Variants in PTPRD observed in about 807,000 individuals in gnomAD.
PTPRD encodes protein tyrosine phosphatase receptor type D.
In PTPRD, 34 loss-of-function variants were observed where a neutral mutation model predicts 214.5. The ratio of observed to expected loss-of-function variants is 0.16; its 90% confidence interval spans 0.12 to 0.21. The LOEUF is 0.21. PTPRD is among the 10% of genes least tolerant of loss of function. PTPRD has a pLI of 1.00. For synonymous variants in PTPRD, 1,128 were observed against 845.7 expected, an observed-to-expected ratio of 1.33 and a Z score of -5.79; for missense variants, 2,545 against 2,398.7, an observed-to-expected ratio of 1.06 and a Z score of -1.27.
At chr9:10,261,720 G>A (rs2154376171) in intron 3 of PTPRD, among the ~76,000 whole-genome samples, 1 of 152,228 alleles carries the variant, frequency 6.6e-6, no homozygotes, top group East Asian at 1.9e-4. Context: ...TGGTTTAACA[G>A]AGTAAGAAAC....
chr9:8,540,366 TGAC>T (rs2078093075), intron 14 of PTPRD, among the ~76,000 whole-genome samples: 1 of 152,042 alleles, frequency 6.6e-6, no homozygotes, highest in Admixed American at 6.6e-5. Flanking sequence ...ACACAAATGA[TGAC>T]AATATCTGAA....
chr9:8,943,678 G>A (rs893358115), intron 11 of PTPRD, among the ~76,000 whole-genome samples: 7 of 150,166 alleles, frequency 4.7e-5, no homozygotes, highest in Non-Finnish European at 7.4e-5. Context: ...CAGAATAAAT[G>A]GTTCTGGGAA....
At chr9:9,384,757 C>G (rs1437744762) in intron 9 of PTPRD, among the ~76,000 whole-genome samples, 1 of 151,856 alleles carries the variant, frequency 6.6e-6, no homozygotes, top group South Asian at 2.1e-4. Flanking sequence ...GATGAATTTT[C>G]TCATTGCTGC....
At chr9:9,855,361 A>T (rs539096083) in intron 5 of PTPRD, among the ~76,000 whole-genome samples, 2 of 152,176 alleles carry the variant, frequency 1.3e-5, no homozygotes, top group Non-Finnish European at 2.9e-5. Context: ...TGAGTAAAAC[A>T]AAGGGGAGGA....
intron 2 of PTPRD, among the ~76,000 whole-genome samples, chr9:10,458,096 T>G (rs949184761): frequency 6.6e-6 from 1 of 152,032 alleles, no homozygotes; most frequent in Non-Finnish European, 1.5e-5. Context: ...CAGGACCCAA[T>G]GGCTTTATAG....
At chr9:10,311,717 A>G (rs2096271303) in intron 3 of PTPRD, among the ~76,000 whole-genome samples, 1 of 152,050 alleles carries the variant, frequency 6.6e-6, no homozygotes, top group Admixed American at 6.6e-5. Context: ...GCATTGTATT[A>G]TTCCTTGTAT....
intron 11 of PTPRD, among the ~76,000 whole-genome samples, chr9:9,016,835 T>C (rs1000773976): frequency 9.2e-5 from 14 of 152,126 alleles, no homozygotes; most frequent in African/African-American, 3.4e-4. Flanking sequence ...CTTGCTCAAA[T>C]ACCGTAGCAA....
In PTPRD at chr9:8,674,902, T is replaced by C. The variant is rs34282864; in HGVS notation, c.65-38058A>G. Among the ~76,000 whole-genome samples the C allele has an allele frequency of 7.4e-3, 1,126 of 152,322 alleles. 8 individuals carry two copies. Among genetic ancestry groups the C allele is most frequent in the Middle Eastern group, 0.024 (7 of 294 alleles). On this transcript the variant is annotated intron_variant, in intron 12 of 45. Transcript: ENST00000381196. ...TTCACTAAACTAGCCAAGGTCCTCC[T>C]ACTTCTGAGCATTACTGTAAATCTA... is the stretch of plus-strand genomic sequence containing the variant.
At chr9:9,532,146 G>T (rs1396834164) in intron 8 of PTPRD, among the ~76,000 whole-genome samples, 2 of 152,060 alleles carry the variant, frequency 1.3e-5, no homozygotes, top group African/African-American at 2.4e-5. Flanking sequence ...CCATATGCAG[G>T]AGAGCTAGGA....
At chr9:9,032,994 A>AT (rs2099610471) in intron 10 of PTPRD, among the ~76,000 whole-genome samples, 1 of 152,042 alleles carries the variant, frequency 6.6e-6, no homozygotes, top group Non-Finnish European at 1.5e-5. Context: ...TGTGGGCTAC[A>AT]TTATCTTTCA....
chr9:8,467,697 TTATACA>T (rs1295630115), intron 31 of PTPRD, among the ~76,000 whole-genome samples: 1 of 151,984 alleles, frequency 6.6e-6, no homozygotes, highest in African/African-American at 2.4e-5. Context: ...CTCTGTGTAT[TTATACA>T]TATAATTTTT....
chr9:10,012,347 G>A (rs2096618801), intron 4 of PTPRD, among the ~76,000 whole-genome samples: 1 of 151,728 alleles, frequency 6.6e-6, no homozygotes, highest in Non-Finnish European at 1.5e-5. Context: ...AGCTAAAAAA[G>A]TGGAAAAGCA....
chr9:8,378,987 C>A (rs962311117), intron 37 of PTPRD, among the ~76,000 whole-genome samples: 7 of 151,700 alleles, frequency 4.6e-5, no homozygotes, highest in African/African-American at 1.7e-4. Context: ...AGACTCTGAC[C>A]CCTTTAGAAA....
At chr9:10,168,128 T>C (rs1022301448) in intron 3 of PTPRD, among the ~76,000 whole-genome samples, 2 of 152,356 alleles carry the variant, frequency 1.3e-5, no homozygotes, top group African/African-American at 4.8e-5. Flanking sequence ...TTGCAGGTGA[T>C]GGCATTTTCT....
intron 3 of PTPRD, among the ~76,000 whole-genome samples, chr9:10,277,054 C>T (rs10959002): frequency 0.054 from 8,179 of 152,226 alleles, 245 homozygotes; most frequent in Middle Eastern, 0.095. Context: ...GAGGGCTACC[C>T]CTCCACCAGG....
intron 10 of PTPRD, among the ~76,000 whole-genome samples, chr9:9,104,512 C>A (rs146383361): frequency 1.3e-5 from 2 of 152,094 alleles, no homozygotes; most frequent in Non-Finnish European, 2.9e-5. Context: ...TAATGGTAAT[C>A]AAATTTGCAA....
intron 3 of PTPRD, among the ~76,000 whole-genome samples, chr9:10,080,738 C>A (rs1038945100): frequency 6.6e-6 from 1 of 152,046 alleles, no homozygotes; most frequent in Non-Finnish European, 1.5e-5. Context: ...GACTCCTACT[C>A]CTTAGCTAGG....
intron 11 of PTPRD, among the ~76,000 whole-genome samples, chr9:9,009,651 G>A (rs1028479166): frequency 6.6e-6 from 1 of 151,944 alleles, no homozygotes; most frequent in Non-Finnish European, 1.5e-5. Flanking sequence ...TTGTGTTAGA[G>A]TTAATATAAT....
Position 10,059,249 on chromosome 9 carries a change from G to T in PTPRD, c.-544-25459C>A, listed in dbSNP as rs2097712688. Among the ~76,000 whole-genome samples the T allele has an allele frequency of 1.3e-5, 2 of 152,102 alleles. 1 individual carries two copies. The highest frequency in any genetic ancestry group is 1.3e-4 in the Admixed American group (2 of 15,250). On this transcript the variant is annotated intron_variant, in intron 3 of 45. Transcript: ENST00000381196. ...TTAGACATGTTCTTCACATACTCCT[G>T]CTCAGCAGTTCAGCCAATATTTACA...
Sources: allele counts gnomAD v4.1 joint callset (sites outside exome capture counted in the v4.1 genomes callset), GRCh38; gene constraint gnomAD v4.1.1; transcripts MANE v1.5; gene names NCBI Gene and HGNC (gene_info 2026-07-23, HGNC 2026-07-21).